GLIS3: variants seen among roughly 807,000 people sequenced by gnomAD.
GLIS3 encodes GLIS family zinc finger 3, also known as zinc finger protein GLIS3.
Under a neutral mutation model 78.6 loss-of-function variants are expected in GLIS3, and 53 were observed. The observed-to-expected ratio is 0.67, with a 90% CI of 0.54 to 0.85. GLIS3 has a LOEUF of 0.85. Among genes scored for constraint, GLIS3 ranks in the 40% least tolerant of loss-of-function variants. The pLI is 0.00. For missense variants in GLIS3, 1,703 were observed against 1,231.1 expected (o/e 1.38, Z -5.74); for synonymous variants, 684 against 509.9 (o/e 1.34, Z -4.60).
chr9:4,259,715 C>G (rs1278403344), intron 2 of GLIS3, among the ~76,000 whole-genome samples: 1 of 152,144 alleles, frequency 6.6e-6, no homozygotes, highest in East Asian at 1.9e-4. Context: ...TTCAAACTTG[C>G]TCTATTCACA....
At chr9:4,116,199 C>T (rs1011435229) in intron 4 of GLIS3, among the ~76,000 whole-genome samples, 1 of 152,194 alleles carries the variant, frequency 6.6e-6, no homozygotes, top group South Asian at 2.1e-4. Flanking sequence ...ATCCAGTGAA[C>T]TATTTTCAGC....
intron 2 of GLIS3, among the ~76,000 whole-genome samples, chr9:4,178,710 C>T (rs568695288): frequency 1.3e-5 from 2 of 152,196 alleles, no homozygotes; most frequent in South Asian, 2.1e-4. Flanking sequence ...TGTCTTAGAG[C>T]GTATAGAATT....
intron 4 of GLIS3, among the ~76,000 whole-genome samples, chr9:3,959,494 A>G (rs1817393880): frequency 6.6e-6 from 1 of 152,184 alleles, no homozygotes; most frequent in African/African-American, 2.4e-5. Flanking sequence ...GGCTTCCTAC[A>G]GTACCCAAAA....
the GLIS3 span, among the ~76,000 whole-genome samples, chr9:4,366,791 CA>C: frequency 1.3e-5 from 2 of 152,182 alleles, no homozygotes; most frequent in African/African-American, 4.8e-5. Flanking sequence ...TACCAACCAC[CA>C]ACTGCCATAA....
chr9:4,435,798 A>C, the GLIS3 span, among the ~76,000 whole-genome samples: 180 of 152,012 alleles, frequency 1.2e-3, no homozygotes, highest in Admixed American at 6.0e-3. Flanking sequence ...AAATACAAAA[A>C]ATTAGCCGGG....
intron 2 of GLIS3, among the ~76,000 whole-genome samples, chr9:4,238,289 C>T (rs1188722571): frequency 6.6e-6 from 1 of 152,110 alleles, no homozygotes; most frequent in Admixed American, 6.6e-5. Context: ...CTCCCCCACC[C>T]CTAAGCTCTG....
the GLIS3 span, among the ~76,000 whole-genome samples, chr9:4,400,531 T>C: frequency 6.6e-6 from 1 of 152,222 alleles, no homozygotes; most frequent in African/African-American, 2.4e-5. Context: ...TCTTTACCTA[T>C]ATTGATTTGT....
the GLIS3 span, among the ~76,000 whole-genome samples, chr9:4,485,853 C>T: frequency 6.6e-6 from 1 of 152,024 alleles, no homozygotes; most frequent in Non-Finnish European, 1.5e-5. Context: ...TCCCAAGTAG[C>T]TGGAATTATA....
chr9:4,245,510 G>A (rs1257990252), intron 2 of GLIS3, among the ~76,000 whole-genome samples: 1 of 152,194 alleles, frequency 6.6e-6, no homozygotes, highest in Non-Finnish European at 1.5e-5. Flanking sequence ...TATTAGAAAG[G>A]CAATTTGAAA....
intron 4 of GLIS3, among the ~76,000 whole-genome samples, chr9:4,116,212 G>T (rs1176324653): frequency 6.6e-6 from 1 of 152,330 alleles, no homozygotes; most frequent in South Asian, 2.1e-4. Context: ...TTTTCAGCCA[G>T]GATTAGTCAG....
chr9:4,225,556 A>G (rs550763890), intron 2 of GLIS3, among the ~76,000 whole-genome samples: 18 of 152,334 alleles, frequency 1.2e-4, no homozygotes, highest in Non-Finnish European at 4.4e-5. Flanking sequence ...CTGCCTCTTG[A>G]GTCACTATAA....
the GLIS3 span, among the ~76,000 whole-genome samples, chr9:4,454,290 C>T: frequency 2.0e-5 from 3 of 152,136 alleles, no homozygotes; most frequent in Admixed American, 6.6e-5. Flanking sequence ...CAGGCATGAG[C>T]CACCACAACT....
At chr9:4,253,758 C>T (rs552613683) in intron 2 of GLIS3, among the ~76,000 whole-genome samples, 17 of 152,326 alleles carry the variant, frequency 1.1e-4, no homozygotes, top group Admixed American at 5.9e-4. Flanking sequence ...GGGAACATCC[C>T]GGTCTGCAGG....
the GLIS3 span, among the ~76,000 whole-genome samples, chr9:4,385,597 A>T: frequency 2.0e-5 from 3 of 150,216 alleles, no homozygotes; most frequent in South Asian, 2.1e-4. Flanking sequence ...CCTAGGAGGC[A>T]GAGGTTTCAG....
chr9:3,868,644 C>T (rs918127794), intron 8 of GLIS3, among the ~76,000 whole-genome samples: 1 of 152,144 alleles, frequency 6.6e-6, no homozygotes, highest in Non-Finnish European at 1.5e-5. Context: ...GGATAACAGA[C>T]TAGGGAGGAA....
intron 2 of GLIS3, among the ~76,000 whole-genome samples, chr9:4,256,801 A>C (rs1044588756): frequency 2.0e-5 from 1 of 50,352 alleles, no homozygotes; most frequent in Non-Finnish European, 5.0e-5. Context: ...GCTCATCAAA[A>C]AAGTTAAGAG....
intron 4 of GLIS3, among the ~76,000 whole-genome samples, chr9:4,013,997 G>C (rs913288356): frequency 1.3e-5 from 2 of 152,144 alleles, no homozygotes; most frequent in African/African-American, 4.8e-5. Context: ...ATGGTACCAC[G>C]TGGCTCACCG....
chr9:4,090,875 T>A (rs1160180894), intron 4 of GLIS3, among the ~76,000 whole-genome samples: 2 of 152,158 alleles, frequency 1.3e-5, no homozygotes, highest in Non-Finnish European at 2.9e-5. Context: ...GCAAGAGAAG[T>A]TTCATGCATA....
At chr9:4,173,519 G>A (rs1458627181) in intron 2 of GLIS3, among the ~76,000 whole-genome samples, 1 of 151,664 alleles carries the variant, frequency 6.6e-6, no homozygotes, top group Non-Finnish European at 1.5e-5. Context: ...TTAAAGGCAA[G>A]TGTATTACTA....
Sources: allele counts gnomAD v4.1 joint callset (sites outside exome capture counted in the v4.1 genomes callset), GRCh38; gene constraint gnomAD v4.1.1; transcripts MANE v1.5; gene names NCBI Gene and HGNC (gene_info 2026-07-23, HGNC 2026-07-21).